Variants in NLGN1 observed in about 807,000 individuals in gnomAD.
The protein encoded by NLGN1 is neuroligin 1.
Under a neutral mutation model 65.5 loss-of-function variants are expected in NLGN1, and 12 were observed. That is an observed-to-expected ratio of 0.18 (90% CI 0.12 to 0.30). NLGN1 has a LOEUF of 0.30. Among genes scored for constraint, NLGN1 ranks in the 10% least tolerant of loss-of-function variants. NLGN1 has a pLI of 1.00. For synonymous variants in NLGN1, 350 were observed against 359.5 expected (o/e 0.97, Z 0.30); for missense variants, 750 against 1,007.1 (o/e 0.74, Z 3.46).
At chr3:174,245,335 G>T (rs990364365) in intron 4 of NLGN1, among the ~76,000 whole-genome samples, 3 of 152,070 alleles carry the variant, frequency 2.0e-5, no homozygotes, top group African/African-American at 7.2e-5. Context: ...TATAAAACAT[G>T]ATTTAGGCTT....
chr3:173,697,313 TTTTCCAAGCTGTG>T (rs1435032776), intron 3 of NLGN1, among the ~76,000 whole-genome samples: 1 of 152,186 alleles, frequency 6.6e-6, no homozygotes, highest in Admixed American at 6.6e-5. Flanking sequence ...TTTTTACATA[TTTTCCAAGCTGTG>T]TTTCCTTAGG....
At chr3:173,927,791 A>C in intron 4 of NLGN1, among the ~76,000 whole-genome samples, 1 of 152,146 alleles carries the variant, frequency 6.6e-6, no homozygotes, top group Admixed American at 6.5e-5. Context: ...ACATTCACAA[A>C]CAGGTATGCT....
chr3:173,534,597 T>C (rs1244675247), intron 2 of NLGN1, among the ~76,000 whole-genome samples: 1 of 152,226 alleles, frequency 6.6e-6, no homozygotes, highest in African/African-American at 2.4e-5. Flanking sequence ...GCAGGAGCTA[T>C]AATAGTAAGA....
At chr3:174,272,173 T>TAATC (rs1749522011) in intron 4 of NLGN1, among the ~76,000 whole-genome samples, 1 of 151,678 alleles carries the variant, frequency 6.6e-6, no homozygotes, top group Admixed American at 6.6e-5. Flanking sequence ...TTCTCCAAAG[T>TAATC]AATCATGAAG....
chr3:173,538,768 C>T (rs1376721913), intron 2 of NLGN1, among the ~76,000 whole-genome samples: 4 of 152,078 alleles, frequency 2.6e-5, no homozygotes, highest in Non-Finnish European at 4.4e-5. Context: ...GGAAAGAAGC[C>T]GTCTGGAATC....
intron 1 of NLGN1, among the ~76,000 whole-genome samples, chr3:173,421,045 C>T (rs1714943307): frequency 6.6e-6 from 1 of 151,942 alleles, no homozygotes; most frequent in Non-Finnish European, 1.5e-5. Context: ...TGTGTTTCTT[C>T]TAAGTGTATT....
intron 4 of NLGN1, among the ~76,000 whole-genome samples, chr3:174,095,985 G>A (rs1400785859): frequency 6.6e-6 from 1 of 151,310 alleles, no homozygotes; most frequent in Non-Finnish European, 1.5e-5. Context: ...GGGTGACAGA[G>A]CGAGACTCCA....
At chr3:173,953,347 T>A (rs767400077) in intron 4 of NLGN1, among the ~76,000 whole-genome samples, 1 of 152,124 alleles carries the variant, frequency 6.6e-6, no homozygotes, top group South Asian at 2.1e-4. Flanking sequence ...AAAATAATAC[T>A]TATTGATTTT....
At chr3:173,509,968 C>T (rs1732658180) in intron 2 of NLGN1, among the ~76,000 whole-genome samples, 1 of 152,106 alleles carries the variant, frequency 6.6e-6, no homozygotes, top group African/African-American at 2.4e-5. Context: ...AGGAGATAAG[C>T]ACATGGAGTA....
intron 4 of NLGN1, among the ~76,000 whole-genome samples, chr3:174,053,131 A>G (rs1488719264): frequency 6.6e-6 from 1 of 151,832 alleles, no homozygotes; most frequent in African/African-American, 2.4e-5. Flanking sequence ...TGAAGAAAGT[A>G]CCCCCAAAAT....
chr3:173,798,941 T>C (rs1714778881), intron 3 of NLGN1, among the ~76,000 whole-genome samples: 1 of 152,028 alleles, frequency 6.6e-6, no homozygotes, highest in Non-Finnish European at 1.5e-5. Context: ...CTTTGAGAGT[T>C]ATAATAGTAA....
At chr3:173,748,246 G>A (rs577351819) in intron 3 of NLGN1, among the ~76,000 whole-genome samples, 1 of 152,206 alleles carries the variant, frequency 6.6e-6, no homozygotes, top group Non-Finnish European at 1.5e-5. Context: ...AAAATTTCAA[G>A]TGTGGAAGAT....
chr3:174,045,778 A>G (rs989992899), intron 4 of NLGN1, among the ~76,000 whole-genome samples: 2 of 152,190 alleles, frequency 1.3e-5, no homozygotes, highest in Non-Finnish European at 2.9e-5. Context: ...TACTGACAGT[A>G]TTTGAATAAA....
chr3:174,197,406 A>G (rs12630068), intron 4 of NLGN1, among the ~76,000 whole-genome samples: 1 of 151,586 alleles, frequency 6.6e-6, no homozygotes, highest in Non-Finnish European at 1.5e-5. Context: ...TACAGAGTGA[A>G]TAAGTGAGCC....
At chr3:173,575,514 A>G (rs1022906932) in intron 2 of NLGN1, among the ~76,000 whole-genome samples, 1 of 152,192 alleles carries the variant, frequency 6.6e-6, no homozygotes, top group Non-Finnish European at 1.5e-5. Context: ...ATTCTTTTCC[A>G]GTTCAAACAC....
intron 4 of NLGN1, among the ~76,000 whole-genome samples, chr3:174,013,750 G>A (rs964055430): frequency 1.3e-5 from 2 of 152,262 alleles, no homozygotes; most frequent in South Asian, 4.1e-4. Context: ...GTCTCACTCT[G>A]TCATCCAGGC....
chr3:174,064,894 T>C (rs1037287317), intron 4 of NLGN1, among the ~76,000 whole-genome samples: 16 of 151,012 alleles, frequency 1.1e-4, no homozygotes, highest in African/African-American at 3.9e-4. Context: ...AAGTACTATA[T>C]ATTAAGACAC....
At chr3:173,975,773 A>G (rs1377140068) in intron 4 of NLGN1, among the ~76,000 whole-genome samples, 1 of 151,800 alleles carries the variant, frequency 6.6e-6, no homozygotes, top group African/African-American at 2.4e-5. Flanking sequence ...TGCCCCACTC[A>G]TTGCCCTTTA....
intron 4 of NLGN1, among the ~76,000 whole-genome samples, chr3:174,160,502 T>C (rs1369663130): frequency 6.6e-6 from 1 of 151,706 alleles, no homozygotes; most frequent in Non-Finnish European, 1.5e-5. Context: ...AGCATTGTTC[T>C]TTCCACAAGA....
Sources: allele counts gnomAD v4.1 joint callset (sites outside exome capture counted in the v4.1 genomes callset), GRCh38; gene constraint gnomAD v4.1.1; transcripts MANE v1.5; gene names NCBI Gene and HGNC (gene_info 2026-07-23, HGNC 2026-07-21).